PLCE1: variants seen among roughly 807,000 people sequenced by gnomAD.
PLCE1 encodes phospholipase C epsilon 1.
Under a neutral mutation model 242.8 loss-of-function variants are expected in PLCE1, and 119 were observed. The observed-to-expected ratio is 0.49, with a 90% CI of 0.42 to 0.57. The LOEUF (loss-of-function observed/expected upper bound fraction) is 0.57. Among genes scored for constraint, PLCE1 ranks in the 20% least tolerant of loss-of-function variants. PLCE1 has a pLI of 0.00. For synonymous variants in PLCE1, 945 were observed against 1,017.4 expected (o/e 0.93, Z 1.35); for missense variants, 2,441 against 2,788.8 (o/e 0.88, Z 2.81).
At chr10:94,182,094 G>T (rs1010590582) in intron 4 of PLCE1, among the ~76,000 whole-genome samples, 4 of 131,354 alleles carry the variant, frequency 3.0e-5, no homozygotes, top group Non-Finnish European at 3.3e-5. Context: ...TTTTCTTTCT[G>T]TTTTTTTTTT....
chr10:94,306,828 G>A lies in PLCE1; in HGVS notation c.5884+140G>A. Reference sequence around the variant, plus strand: ...TAAGAAGCAAAAGGAAATACAAATTGGAGCACTTTTGAAGCACATCTCAAA... The same window carrying A: ...TAAGAAGCAAAAGGAAATACAAATTAGAGCACTTTTGAAGCACATCTCAAA... On this transcript the variant is annotated intron_variant, in intron 26 of 32. Coordinates refer to ENST00000371380, the MANE Select transcript of PLCE1 (RefSeq NM_016341.4). This position sits in a 1 kb window ranked among gnomAD's most constrained non-coding sequence, Gnocchi z 5.7. 1.3e-6 allele frequency: 1 copy of A among 748,370 alleles called. No individual in the cohort carries two copies. Among genetic ancestry groups the A allele is most frequent in the Non-Finnish European group, 2.2e-6 (1 of 448,348 alleles). 46.4% of individuals were successfully genotyped at this position (748,370 alleles called of 1,614,324 possible). A position where few individuals can be genotyped will look rare whatever the true frequency, so the allele number is the denominator to read the frequency against.
chr10:94,247,153 C>T lies in PLCE1; in HGVS notation c.3096+532C>T, dbSNP rs1384445223. ...AAAAAAGTTAATATGTGTAAAGCCA[C>T]AGTATAATTCATAAGTATGAAGAAT... On this transcript the variant is annotated intron_variant, in intron 8 of 32. Coordinates refer to ENST00000371380, the MANE Select transcript of PLCE1 (RefSeq NM_016341.4). Among the ~76,000 whole-genome samples the T allele has an allele frequency of 2.7e-5, 4 of 149,526 alleles. No individual in the cohort carries two copies. The East Asian group carries it at 5.9e-4, about 22-fold the overall frequency.
intron 20 of PLCE1, chr10:94,280,569 G>C (rs1372992749): frequency 6.5e-6 from 1 of 152,704 alleles, no homozygotes; most frequent in East Asian, 1.9e-4. Context: ...ATTTGTTAGA[G>C]ATTGCAGAAT....
chr10:94,173,018 T>C (rs1192295138), intron 4 of PLCE1, among the ~76,000 whole-genome samples: 1 of 152,226 alleles, frequency 6.6e-6, no homozygotes, highest in African/African-American at 2.4e-5. Flanking sequence ...TCTGGCACTG[T>C]TGTGCTAACC....
At chr10:94,160,695 A>G (rs2047582721) in intron 3 of PLCE1, among the ~76,000 whole-genome samples, 1 of 152,174 alleles carries the variant, frequency 6.6e-6, no homozygotes, top group Admixed American at 6.5e-5. Context: ...GTCCTTGCCC[A>G]TGCCTATGTC....
intron 18 of PLCE1, among the ~76,000 whole-genome samples, chr10:94,271,458 G>A (rs1354187680): frequency 2.0e-5 from 3 of 151,688 alleles, no homozygotes; most frequent in Non-Finnish European, 4.4e-5. Context: ...GGGACTACAG[G>A]CGCCCACCAC....
chr10:94,058,365 C>T (rs895203197), intron 2 of PLCE1, among the ~76,000 whole-genome samples: 2 of 152,112 alleles, frequency 1.3e-5, no homozygotes, highest in Admixed American at 6.6e-5. Flanking sequence ...ATGATAACAA[C>T]CTTTCACAAG....
chr10:94,291,341 C>T (rs1046800914), intron 22 of PLCE1, among the ~76,000 whole-genome samples: 14 of 152,134 alleles, frequency 9.2e-5, no homozygotes, highest in African/African-American at 3.1e-4. Flanking sequence ...AAACTTCCAT[C>T]TCGAAGCTTT....
At chr10:94,290,570 A>T (rs565739922) in intron 22 of PLCE1, among the ~76,000 whole-genome samples, 107 of 151,964 alleles carry the variant, frequency 7.0e-4, no homozygotes, top group African/African-American at 2.5e-3. Context: ...GAAGGTCTTC[A>T]GGGACAATAA....
At chr10:93,997,660 T>TTTTTTTTTTTTTTTA (rs2060853362) in intron 1 of PLCE1, among the ~76,000 whole-genome samples, 1 of 140,450 alleles carries the variant, frequency 7.1e-6, no homozygotes, top group African/African-American at 2.6e-5. Context: ...TTTTTTTTGG[T>TTTTTTTTTTTTTTTA]TAGGTGAAAC....
intron 27 of PLCE1, among the ~76,000 whole-genome samples, chr10:94,309,317 C>CTT (rs35780786): frequency 3.4e-5 from 5 of 146,728 alleles, no homozygotes; most frequent in Non-Finnish European, 6.0e-5. Context: ...GCAGAATCTG[C>CTT]TTTTTTTTTT....
chr10:94,315,702 G>T lies in PLCE1; in HGVS notation c.6133-845G>T, dbSNP rs181516773. The stretch of plus-strand genomic sequence containing the variant: ...GAGAATCACTTGAGCCTGGGAAGGC[G>T]GAGGTTGCAGTGAGCCGAGATCACG... On this transcript the variant is annotated intron_variant, in intron 28 of 32. Transcript: ENST00000371380. Among the ~76,000 whole-genome samples, 355 of 151,336 alleles carry T rather than the reference G, an allele frequency of 2.3e-3. 3 individuals are homozygous for T. Among genetic ancestry groups the T allele is most frequent in the African/African-American group, 8.3e-3 (341 of 41,186 alleles).
intron 2 of PLCE1, chr10:94,104,829 G>A (rs2045668754): frequency 6.6e-6 from 1 of 152,316 alleles, no homozygotes; most frequent in South Asian, 2.1e-4. Flanking sequence ...CTAGACGAGT[G>A]TGGTTTATAC....
In PLCE1 at chr10:94,262,683, AT is replaced by A; in HGVS notation, c.4006del (p.Cys1336AlafsTer29). 6.2e-7 allele frequency: 1 copy of A among 1,614,052 alleles called. No homozygotes were observed. The highest frequency in any genetic ancestry group is 8.5e-7 in the Non-Finnish European group (1 of 1,179,964). ...CTTCAGCTCAACGATTTCCTCGTGAATTGCCAAGGAGAACACTGCACTTATG... is the reference window on the plus strand; with the variant it reads ...CTTCAGCTCAACGATTTCCTCGTGAATGCCAAGGAGAACACTGCACTTATG... Reference protein sequence around the residue: ...GILQLNDFLVNCQGEHCTYDE... With the variant: ...GILQLNDFLVXCQGEHCTYDE... On this transcript the variant is annotated frameshift_variant, in exon 14 of 33. Coordinates refer to ENST00000371380, the MANE Select transcript of PLCE1 (RefSeq NM_016341.4). LOFTEE classifies it high-confidence loss of function.
chr10:94,251,722 A>G (rs146194671), intron 8 of PLCE1, among the ~76,000 whole-genome samples: 14 of 152,178 alleles, frequency 9.2e-5, no homozygotes, highest in African/African-American at 3.1e-4. Context: ...GCATCCTAAT[A>G]TGTATGGTGT....
chr10:94,272,714 T>A (rs975310291), intron 18 of PLCE1, among the ~76,000 whole-genome samples: 11 of 152,126 alleles, frequency 7.2e-5, no homozygotes, highest in Non-Finnish European at 1.6e-4. Flanking sequence ...CCCACAACAA[T>A]AATGCACCCA....
chr10:94,139,754 G>A (rs2046896862), intron 3 of PLCE1, among the ~76,000 whole-genome samples: 1 of 151,998 alleles, frequency 6.6e-6, no homozygotes, highest in Non-Finnish European at 1.5e-5. Flanking sequence ...GGGCTGGGTG[G>A]GAGGGATACT....
intron 13 of PLCE1, 140 bp from the exon 14 acceptor site, chr10:94,262,354 T>G: frequency 1.3e-6 from 1 of 765,420 alleles, no homozygotes; most frequent in Non-Finnish European, 2.4e-6. Flanking sequence ...AAGCCAGAAA[T>G]AAACACTTCT....
chr10:94,186,750 A>C (rs2048490795), intron 4 of PLCE1, among the ~76,000 whole-genome samples: 1 of 152,204 alleles, frequency 6.6e-6, no homozygotes, highest in East Asian at 1.9e-4. Context: ...TCTTCCTAAA[A>C]CCAAGATACA....
Sources: allele counts gnomAD v4.1 joint callset (sites outside exome capture counted in the v4.1 genomes callset), GRCh38; gene constraint gnomAD v4.1.1; non-coding constraint Gnocchi (gnomAD v3.1); transcripts MANE v1.5; gene names NCBI Gene and HGNC (gene_info 2026-07-23, HGNC 2026-07-21).